METAP1D: variants seen among roughly 807,000 people sequenced by gnomAD.
METAP1D encodes methionine aminopeptidase 1D, mitochondrial.
METAP1D carries 31 observed loss-of-function variants against 40.5 expected under a neutral mutation model. The ratio of observed to expected loss-of-function variants is 0.77; its 90% CI spans 0.58 to 1.03. METAP1D has a LOEUF of 1.03. Among genes scored for constraint, METAP1D ranks in the 50% least tolerant of loss-of-function variants. The pLI is 0.00. For missense variants in METAP1D, 411 were observed against 420.7 expected (o/e 0.98, Z 0.20); for synonymous variants, 151 against 146.4 (o/e 1.03, Z -0.22).
At chr2:172,029,420 C>G (rs1237922480) in intron 1 of METAP1D, among the ~76,000 whole-genome samples, 1 of 152,142 alleles carries the variant, frequency 6.6e-6, no homozygotes, top group Non-Finnish European at 1.5e-5. Context: ...CAAACCTTGT[C>G]TCAAAGAAGA....
At chr2:172,079,632 T>G (rs536392441) in intron 8 of METAP1D, among the ~76,000 whole-genome samples, 1 of 152,318 alleles carries the variant, frequency 6.6e-6, no homozygotes, top group South Asian at 2.1e-4. Context: ...ATCCTGTGAT[T>G]GGTATCACCA....
chr2:172,078,780 C>A (rs137938421), intron 7 of METAP1D, among the ~76,000 whole-genome samples: 1 of 152,154 alleles, frequency 6.6e-6, no homozygotes, highest in African/African-American at 2.4e-5. Flanking sequence ...TGAAGTCAGG[C>A]CCCTGCTCCC....
chr2:172,048,182 T>C (rs1689803910), intron 1 of METAP1D, among the ~76,000 whole-genome samples: 1 of 152,178 alleles, frequency 6.6e-6, no homozygotes. Flanking sequence ...GGTGTCACTT[T>C]TAAGTAGCAG....
At chr2:172,038,448 C>T (rs1446113524) in intron 1 of METAP1D, among the ~76,000 whole-genome samples, 2 of 152,140 alleles carry the variant, frequency 1.3e-5, no homozygotes, top group Non-Finnish European at 2.9e-5. Flanking sequence ...AATACCATCA[C>T]CAATTTTTTG....
chr2:172,069,327 C>T (rs1376784282), intron 5 of METAP1D, among the ~76,000 whole-genome samples: 7 of 152,152 alleles, frequency 4.6e-5, no homozygotes, highest in Non-Finnish European at 1.0e-4. Flanking sequence ...TATACATTTT[C>T]TTGACTACGC....
chr2:172,068,830 ATTCCTTCC>A (rs557758754), intron 5 of METAP1D, among the ~76,000 whole-genome samples: 10 of 150,824 alleles, frequency 6.6e-5, no homozygotes, highest in African/African-American at 1.5e-4. Flanking sequence ...TCATTTTGAT[ATTCCTTCC>A]TTCCTTCCTT....
intron 1 of METAP1D, among the ~76,000 whole-genome samples, chr2:172,058,115 T>TGAGTAGCTGAACA (rs1690043765): frequency 6.6e-6 from 1 of 152,086 alleles, no homozygotes; most frequent in Non-Finnish European, 1.5e-5. Context: ...GTAGCTGAAC[T>TGAGTAGCTGAACA]CCTGAGTAGC....
At chr2:172,042,771 A>G (rs1298042575) in intron 1 of METAP1D, among the ~76,000 whole-genome samples, 4 of 36,874 alleles carry the variant, frequency 1.1e-4, no homozygotes, top group East Asian at 4.2e-3. Context: ...GTGTGTGTGT[A>G]TATGTACACA....
At chr2:172,009,895 T>C (rs781158247) in intron 1 of METAP1D, among the ~76,000 whole-genome samples, 5 of 151,928 alleles carry the variant, frequency 3.3e-5, no homozygotes, top group Non-Finnish European at 7.4e-5. Context: ...CATGACCTGG[T>C]GGTTTGCTGG....
In METAP1D at chr2:172,065,747, T is replaced by C; in HGVS notation, c.492T>C (p.Pro164=). The change falls in exon 4 of 10, where the codon CCT becomes CCC. Residue 164 remains proline, a synonymous_variant. Coordinates refer to ENST00000315796, the MANE Select transcript of METAP1D (RefSeq NM_199227.3). ...SVNNVLCHGI[P]DSRPLQDGDI... ...ACAACGTGCTCTGTCATGGTATTCCTGACAGGTATTCAGTTCTTAATAACA... is the reference window on the plus strand; with the variant it reads ...ACAACGTGCTCTGTCATGGTATTCCCGACAGGTATTCAGTTCTTAATAACA... 1 of 1,613,596 alleles carries C rather than the reference T, an allele frequency of 6.2e-7. No homozygotes were observed. Among genetic ancestry groups the C allele is most frequent in the Non-Finnish European group, 8.5e-7 (1 of 1,179,764 alleles).
Position 172,000,027 on chromosome 2 carries a change from A to G in METAP1D, c.40+18A>G. The G allele has an allele frequency of 7.6e-7, 1 of 1,309,308 alleles. No homozygotes were observed. Among genetic ancestry groups the G allele is most frequent in the South Asian group, 2.2e-5 (1 of 44,804 alleles). The allele number at this position is 1,309,308 out of a possible 1,614,324, so 81.1% of individuals were successfully genotyped here. On this transcript the variant is annotated intron_variant, in intron 1 of 9. Coordinates refer to ENST00000315796, the MANE Select transcript of METAP1D (RefSeq NM_199227.3). ...CCGCAGAGGTAAGCGCGTGGAGGAG[A>G]GCCCCGTGAGGGTTCGCACGGTTGC...
intron 1 of METAP1D, among the ~76,000 whole-genome samples, chr2:172,012,917 TA>T (rs1446602326): frequency 6.6e-6 from 1 of 152,178 alleles, no homozygotes; most frequent in African/African-American, 2.4e-5. Flanking sequence ...CAAAAGTACA[TA>T]AAAGAACATT....
chr2:172,058,084 A>G (rs1405754775), intron 1 of METAP1D, among the ~76,000 whole-genome samples: 1 of 151,920 alleles, frequency 6.6e-6, no homozygotes, highest in Non-Finnish European at 1.5e-5. Context: ...TGGACTCCTG[A>G]GTAGCTGGAC....
chr2:172,059,013 T>C (rs924277940), intron 1 of METAP1D, among the ~76,000 whole-genome samples: 1 of 152,144 alleles, frequency 6.6e-6, no homozygotes, highest in Non-Finnish European at 1.5e-5. Context: ...GAGGGCTGGT[T>C]AAGGCACAGA....
intron 1 of METAP1D, among the ~76,000 whole-genome samples, chr2:172,017,539 A>T (rs891320194): frequency 6.6e-6 from 1 of 152,022 alleles, no homozygotes; most frequent in Admixed American, 6.6e-5. Context: ...TAAGTGGTAG[A>T]TTTCTGACTA....
intron 1 of METAP1D, among the ~76,000 whole-genome samples, chr2:172,020,389 C>T (rs1431066716): frequency 6.6e-5 from 10 of 152,136 alleles, no homozygotes; most frequent in South Asian, 2.1e-4. Flanking sequence ...GTAAAGCTTT[C>T]GGGTAGTTGA....
At chr2:172,072,696 T>C (rs1234458960) in intron 6 of METAP1D, among the ~76,000 whole-genome samples, 1 of 152,182 alleles carries the variant, frequency 6.6e-6, no homozygotes, top group Admixed American at 6.5e-5. Context: ...CCATTTTTAC[T>C]CTCTGTACTT....
intron 6 of METAP1D, among the ~76,000 whole-genome samples, chr2:172,073,213 T>C (rs1384651646): frequency 6.6e-6 from 1 of 152,182 alleles, no homozygotes; most frequent in East Asian, 1.9e-4. Flanking sequence ...TTGTTCCCTT[T>C]TTTTGTGTAC....
intron 1 of METAP1D, among the ~76,000 whole-genome samples, chr2:172,029,748 C>CTACT (rs535424953): frequency 1.3e-5 from 2 of 152,114 alleles, no homozygotes; most frequent in South Asian, 4.1e-4. Context: ...ATTTTTATTT[C>CTACT]TACTTACTTA....
Sources: allele counts gnomAD v4.1 joint callset (sites outside exome capture counted in the v4.1 genomes callset), GRCh38; gene constraint gnomAD v4.1.1; transcripts MANE v1.5; gene names NCBI Gene and HGNC (gene_info 2026-07-23, HGNC 2026-07-21).